The following RC3H1 variants were observed in gnomAD, a reference collection of about 807,000 sequenced individuals.
RC3H1 encodes ring finger and CCCH-type domains 1.
Under a neutral mutation model 138.2 loss-of-function variants are expected in RC3H1, and 50 were observed. That is an observed-to-expected ratio of 0.36 (90% CI 0.29 to 0.46). The LOEUF is 0.46. Ranked by LOEUF, RC3H1 falls within the 20% of genes least tolerant of loss-of-function variation. RC3H1 has a pLI of 1.00. For synonymous variants in RC3H1, 462 were observed against 489.1 expected (o/e 0.94, Z 0.73); for missense variants, 1,031 against 1,388.1 (o/e 0.74, Z 4.09).
intron 1 of RC3H1, among the ~76,000 whole-genome samples, chr1:174,001,501 C>G (rs1249495395): frequency 3.9e-5 from 6 of 152,126 alleles, no homozygotes; most frequent in Admixed American, 3.3e-4. Context: ...GGCTGGAGTA[C>G]AGTGGCACGA....
intron 9 of RC3H1, among the ~76,000 whole-genome samples, chr1:173,966,623 G>A (rs1210083865): frequency 1.3e-5 from 2 of 152,012 alleles, no homozygotes; most frequent in African/African-American, 4.8e-5. Flanking sequence ...GCTGAGACAG[G>A]AGAATTGCTT....
chr1:173,947,909 A>AT (rs911004777), intron 14 of RC3H1, among the ~76,000 whole-genome samples: 4 of 151,598 alleles, frequency 2.6e-5, no homozygotes, highest in South Asian at 2.1e-4. Flanking sequence ...CACCCAGCTA[A>AT]TTTTTTTTGA....
At chr1:173,958,571 T>G (rs750894551) in intron 13 of RC3H1, among the ~76,000 whole-genome samples, 5 of 151,762 alleles carry the variant, frequency 3.3e-5, no homozygotes, top group Non-Finnish European at 7.4e-5. Context: ...AAAAGTTGGC[T>G]TTTTGAAAGA....
chr1:173,961,491 A>G (rs1310985623), intron 12 of RC3H1, among the ~76,000 whole-genome samples: 3 of 152,098 alleles, frequency 2.0e-5, no homozygotes, highest in Non-Finnish European at 2.9e-5. Flanking sequence ...TGTTAATTAA[A>G]CCATCTAAAG....
At chr1:173,957,724 C>T (rs1659709289) in intron 13 of RC3H1, among the ~76,000 whole-genome samples, 1 of 151,762 alleles carries the variant, frequency 6.6e-6, no homozygotes, top group Admixed American at 6.6e-5. Flanking sequence ...ACACCTAGCT[C>T]ATTTTTATTT....
intron 19 of RC3H1, among the ~76,000 whole-genome samples, chr1:173,940,543 C>T (rs1049562626): frequency 8.0e-6 from 1 of 125,382 alleles, no homozygotes; most frequent in Non-Finnish European, 1.9e-5. Context: ...ATTGGAATTA[C>T]AGGCAATTTT....
chr1:173,991,277 G>A (rs1310307127), intron 2 of RC3H1, among the ~76,000 whole-genome samples: 1 of 152,138 alleles, frequency 6.6e-6, no homozygotes, highest in Admixed American at 6.5e-5. Context: ...ACCTTAGAAA[G>A]ACTTTTGCTT....
At chr1:174,021,590 A>G (rs1017061910) in intron 1 of RC3H1, among the ~76,000 whole-genome samples, 1 of 151,996 alleles carries the variant, frequency 6.6e-6, no homozygotes, top group African/African-American at 2.4e-5. Context: ...GGAAACAGAC[A>G]CCGTGAAATC....
intron 14 of RC3H1, among the ~76,000 whole-genome samples, chr1:173,950,385 C>A (rs113600114): frequency 7.0e-6 from 1 of 143,120 alleles, no homozygotes; most frequent in Admixed American, 7.0e-5. Flanking sequence ...ACCAGCCTGT[C>A]CTACCCAGGC....
At chr1:173,978,030 G>C (rs974293656) in intron 7 of RC3H1, among the ~76,000 whole-genome samples, 1 of 152,050 alleles carries the variant, frequency 6.6e-6, no homozygotes, top group African/African-American at 2.4e-5. Flanking sequence ...ATATTTTCAG[G>C]TTACGGAGAA....
intron 8 of RC3H1, 108 bp from the exon 9 acceptor site, chr1:173,970,725 T>C: frequency 3.1e-6 from 2 of 637,374 alleles, no homozygotes; most frequent in South Asian, 2.3e-5. Context: ...AATTCACATA[T>C]TTATTTAGAT....
chr1:173,940,711 A>T (rs1658816549), intron 19 of RC3H1, among the ~76,000 whole-genome samples: 1 of 152,162 alleles, frequency 6.6e-6, no homozygotes, highest in Non-Finnish European at 1.5e-5. Context: ...ATTCGAAATA[A>T]ATTTAAAAAC....
intron 8 of RC3H1, among the ~76,000 whole-genome samples, chr1:173,972,105 A>T (rs1660382862): frequency 6.6e-6 from 1 of 152,224 alleles, no homozygotes; most frequent in African/African-American, 2.4e-5. Context: ...AAATTTGAAC[A>T]GTATTGGAAA....
intron 1 of RC3H1, among the ~76,000 whole-genome samples, chr1:174,019,745 T>G (rs1348882533): frequency 6.6e-6 from 1 of 152,108 alleles, no homozygotes; most frequent in African/African-American, 2.4e-5. Flanking sequence ...GTATTGATAC[T>G]GAAGAAGGGA....
At chr1:173,978,716 T>G (rs962493330) in intron 6 of RC3H1, 96 bp from the exon 7 acceptor site, 1 of 1,294,086 alleles carries the variant, frequency 7.7e-7, no homozygotes, top group Non-Finnish European at 1.0e-6. Context: ...TTTATTAAAT[T>G]TAATTTTTAT....
rs1302807740 is a variant in RC3H1, at chr1:173,961,983, T to C, written c.1944A>G (p.Glu648=). The C allele has an allele frequency of 6.2e-7, 1 of 1,614,142 alleles. No individual in the cohort carries two copies. The highest frequency in any genetic ancestry group is 1.1e-5 in the South Asian group (1 of 91,072). Residue 648 remains glutamate (E), a synonymous_variant, in exon 12 of 20, where the codon GAA becomes GAG. Coordinates refer to ENST00000367696, the MANE Select transcript of RC3H1 (RefSeq NM_172071.4). The part of the protein sequence containing the change: ...YLDHYPPYLQ[E]RVVNSQYGTQ... ...TGCCATACTGAGAGTTTACAACACG[T>C]TCTTGGAGGTAGGGTGGATAATGAT...
intron 1 of RC3H1, among the ~76,000 whole-genome samples, chr1:174,015,672 T>TTA (rs71770714): frequency 0.23 from 33,316 of 147,822 alleles, 4,302 homozygotes; most frequent in Non-Finnish European, 0.28. Flanking sequence ...GCCTCATATT[T>TTA]TATATATATA....
chr1:173,965,935 G>GT (rs1285081903), intron 9 of RC3H1, among the ~76,000 whole-genome samples: 2 of 152,160 alleles, frequency 1.3e-5, no homozygotes, highest in Admixed American at 1.3e-4. Flanking sequence ...GAGCTCAGGA[G>GT]TTTGAGACTA....
chr1:173,983,156 C>T (rs1660889690), intron 4 of RC3H1: 2 of 494,348 alleles, frequency 4.0e-6, no homozygotes, highest in East Asian at 6.7e-5. Context: ...GAACTTCCTG[C>T]TACAGGTGTG....
Sources: allele counts gnomAD v4.1 joint callset (sites outside exome capture counted in the v4.1 genomes callset), GRCh38; gene constraint gnomAD v4.1.1; transcripts MANE v1.5; gene names NCBI Gene and HGNC (gene_info 2026-07-23, HGNC 2026-07-21).